Variants in PRPF6 observed in about 807,000 individuals in gnomAD.
The protein encoded by PRPF6 is pre-mRNA-processing factor 6.
Under a neutral mutation model 118.3 loss-of-function variants are expected in PRPF6, and 42 were observed. The ratio of observed to expected loss-of-function variants is 0.35; its 90% CI spans 0.28 to 0.46. The LOEUF (loss-of-function observed/expected upper bound fraction) is 0.46. Among genes scored for constraint, PRPF6 ranks in the 20% least tolerant of loss-of-function variants. The pLI is 1.00. For synonymous variants in PRPF6, 481 were observed against 485.1 expected, an observed-to-expected ratio of 0.99 and a Z score of 0.11; for missense variants, 662 against 1,255.7, an observed-to-expected ratio of 0.53 and a Z score of 7.15.
Position 64,032,026 on chromosome 20 carries a change from G to A in PRPF6, c.2655G>A (p.Glu885=). ...CCTGGGCCTTCTTCTACAAGTTTGA[G>A]CTGCAGCATGGCACTGAGGTGAGGC... ...GDAWAFFYKF[E]LQHGTEEQQE... is the part of the protein sequence containing the mutation. The change falls in exon 20 of 21, where the codon GAG becomes GAA. Residue 885 remains glutamate, a synonymous_variant. Transcript: ENST00000266079. 6.2e-7 allele frequency: 1 copy of A among 1,614,108 alleles called. No individual in the cohort carries two copies. The highest frequency in any genetic ancestry group is 8.5e-7 in the Non-Finnish European group (1 of 1,180,028).
intron 3 of PRPF6, among the ~76,000 whole-genome samples, chr20:63,988,564 C>T (rs1290687545): frequency 6.6e-6 from 1 of 151,966 alleles, no homozygotes; most frequent in Non-Finnish European, 1.5e-5. Context: ...TATCAAAATA[C>T]TGGGGACATT....
rs778600188 is a variant in PRPF6 at position 64,024,709 on chromosome 20, C to T, written c.1908+16C>T. The T allele has an allele frequency of 8.1e-6, 13 of 1,610,228 alleles. No individual in the cohort carries two copies. In the African/African-American group the frequency reaches 1.5e-4, roughly 18 times the overall value. Reference sequence around the variant, plus strand: ...GGCCTTCCAGGTGGGTGAGGGTTGCCTGTGTGGTGAGGGGCCTGTGCACAC... The same window carrying T: ...GGCCTTCCAGGTGGGTGAGGGTTGCTTGTGTGGTGAGGGGCCTGTGCACAC... On this transcript the variant is annotated intron_variant, in intron 14 of 20. Coordinates refer to ENST00000266079, the MANE Select transcript of PRPF6 (RefSeq NM_012469.4).
In PRPF6 at chr20:64,011,608, G is replaced by A; in HGVS notation, c.1524+105G>A. 1.5e-6 allele frequency: 2 copies of A among 1,294,874 alleles called. No individual in the cohort carries two copies. The highest frequency in any genetic ancestry group is 2.2e-6 in the Non-Finnish European group (2 of 926,848). The allele number at this position is 1,294,874 out of a possible 1,614,324, so 80.2% of individuals were successfully genotyped here. A position where few individuals can be genotyped will look rare whatever the true frequency, so the allele number is the denominator to read the frequency against. ...TTGCTGGATGGTACTGGGGAGTCCT[G>A]TGCCAAACCAGAAGCAGGCACAGGT... is the stretch of plus-strand genomic sequence containing the variant. On this transcript the variant is annotated intron_variant, in intron 11 of 20. Coordinates refer to ENST00000266079, the MANE Select transcript of PRPF6 (RefSeq NM_012469.4). This position sits in a 1 kb window ranked among gnomAD's most constrained non-coding sequence, Gnocchi z 6.7.
At position 64,027,452 on chromosome 20, in the gene PRPF6, A is replaced by G. The variant is rs779994475; in HGVS notation, c.2206-151A>G. 1.9e-5 allele frequency: 22 copies of G among 1,184,312 alleles called. No homozygotes were observed. Among genetic ancestry groups the G allele is most frequent in the Non-Finnish European group, 2.8e-5 (22 of 798,158 alleles). The allele number at this position is 1,184,312 out of a possible 1,614,324, so 73.4% of individuals were successfully genotyped here. Reference sequence around the variant, plus strand: ...CCACAGCACCACCGCACACCTGTACACCCACAAATGCAGAGTGTGAGGGGT... The same window carrying G: ...CCACAGCACCACCGCACACCTGTACGCCCACAAATGCAGAGTGTGAGGGGT... On this transcript the variant is annotated intron_variant, in intron 16 of 20. Transcript: ENST00000266079. The surrounding 1 kb of genome is among the most constrained non-coding windows in gnomAD (Gnocchi z 6.5).
At chr20:63,981,678 G>T (rs1325016248) in intron 1 of PRPF6, among the ~76,000 whole-genome samples, 1 of 89,916 alleles carries the variant, frequency 1.1e-5, no homozygotes, top group African/African-American at 4.4e-5. Context: ...CCCGCCTTAA[G>T]CGTGCCTGGG....
At position 64,001,153 on chromosome 20, in the gene PRPF6, G is replaced by A. The variant is rs886056959; in HGVS notation, c.1100G>A (p.Arg367His). 3 of 1,614,192 alleles carry A rather than the reference G, an allele frequency of 1.9e-6. No individual in the cohort carries two copies. The highest frequency in any genetic ancestry group is 2.2e-5 in the East Asian group (1 of 44,882). Residue 367 changes from arginine (R) to histidine (H), a missense_variant, in exon 9 of 21, where the codon CGT (arginine) becomes CAT (histidine). By Grantham distance (29) the Arg-to-His change is conservative. This residue lies in a region of PRPF6 where 189 missense variants were observed against 323.5 expected (regional missense o/e 0.58). Transcript: ENST00000266079. Reference sequence around the variant, plus strand: ...AAGGCCGTGGTAGCCCAAGCTGTCCGTCATCTCCCACAGTCTGTCAGGATT... The same window carrying A: ...AAGGCCGTGGTAGCCCAAGCTGTCCATCATCTCCCACAGTCTGTCAGGATT... ...TAKAVVAQAV[R>H]HLPQSVRIYI...
intron 6 of PRPF6, among the ~76,000 whole-genome samples, chr20:63,996,939 A>G (rs2059143234): frequency 6.6e-6 from 1 of 152,170 alleles, no homozygotes; most frequent in Non-Finnish European, 1.5e-5. Flanking sequence ...TAAATAAATA[A>G]AACTGTCACA....
chr20:64,012,840 A>G (rs2059220485), intron 11 of PRPF6, among the ~76,000 whole-genome samples: 1 of 143,118 alleles, frequency 7.0e-6, no homozygotes, highest in Non-Finnish European at 1.5e-5. Flanking sequence ...TGATACACCT[A>G]CGAGAGGAGG....
rs1256300539 is a variant in PRPF6, at chr20:64,026,005, G to A, written c.1975G>A (p.Glu659Lys). The A allele has an allele frequency of 1.2e-6, 2 of 1,612,322 alleles. No individual in the cohort carries two copies. Among genetic ancestry groups the A allele is most frequent in the Non-Finnish European group, 8.5e-7 (1 of 1,180,026 alleles). Residue 659 changes from glutamate (E) to lysine (K), a missense_variant, in exon 15 of 21, where the codon GAG becomes AAG. Physicochemically the swap from Glu to Lys is moderately conservative, Grantham distance 56. This residue lies in a region of PRPF6 where 244 missense variants were observed against 383.7 expected (regional missense o/e 0.64). Coordinates refer to ENST00000266079, the MANE Select transcript of PRPF6 (RefSeq NM_012469.4). The surrounding 1 kb of genome is among the most constrained non-coding windows in gnomAD (Gnocchi z 4.4). The part of the protein sequence containing the change: ...VKLESENDEY[E>K]RARRLLAKAR... ...GCTGGAGTCCGAGAATGATGAGTAC[G>A]AGCGGGCCCGGAGGCTGCTGGCCAA...
At chr20:64,006,787 A>C (rs967873590) in intron 9 of PRPF6, among the ~76,000 whole-genome samples, 18 of 152,206 alleles carry the variant, frequency 1.2e-4, no homozygotes, top group African/African-American at 4.3e-4. Flanking sequence ...ATTGGTGTCT[A>C]TTCACAGCAT....
Position 64,026,946 on chromosome 20 carries a change from T to C in PRPF6, c.2029-36T>C. On this transcript the variant is annotated intron_variant, in intron 15 of 20. Coordinates refer to ENST00000266079, the MANE Select transcript of PRPF6 (RefSeq NM_012469.4). The surrounding 1 kb of genome is among the most constrained non-coding windows in gnomAD (Gnocchi z 4.4). ...TACCATGAAGCACGTACCCTGGAGC[T>C]GATGCCCTGCGTGACAGTGCATGTC... is the stretch of plus-strand genomic sequence containing the variant. 1.2e-6 allele frequency: 2 copies of C among 1,612,366 alleles called. No homozygotes were observed. Among genetic ancestry groups the C allele is most frequent in the Non-Finnish European group, 1.7e-6 (2 of 1,178,946 alleles).
Position 64,027,676 on chromosome 20 carries a change from C to T in PRPF6, c.2279C>T (p.Thr760Ile). 6.2e-7 allele frequency: 1 copy of T among 1,614,092 alleles called. No homozygotes were observed. The highest frequency in any genetic ancestry group is 1.1e-5 in the South Asian group (1 of 91,080). ...CTGGAGGAGAAGATTGGGCAGCTTA[C>T]TCGAGCACGGGCCATTTTGGAAAAG... ...SRLEEKIGQL[T>I]RARAILEKSR... The change falls in exon 17 of 21, where the codon ACT (threonine) becomes ATT (isoleucine). Residue 760 changes from threonine to isoleucine, a missense_variant. Thr to Ile is a moderately conservative substitution (Grantham distance 89). Around this residue, in one of 10 missense-constraint regions of PRPF6, gnomAD observed 244 missense variants for 383.7 expected, o/e 0.64. Coordinates refer to ENST00000266079, the MANE Select transcript of PRPF6 (RefSeq NM_012469.4). The surrounding 1 kb of genome is among the most constrained non-coding windows in gnomAD (Gnocchi z 6.5).
intron 5 of PRPF6, 99 bp from the exon 6 acceptor site, chr20:63,995,228 A>G (rs1325809982): frequency 9.5e-6 from 15 of 1,574,184 alleles, no homozygotes; most frequent in East Asian, 2.3e-5. Context: ...ACAGCTGTGC[A>G]TATGTCAGGC....
At chr20:64,020,813 GTC>G (rs1434804470) in intron 12 of PRPF6, among the ~76,000 whole-genome samples, 17 of 146,860 alleles carry the variant, frequency 1.2e-4, no homozygotes, top group African/African-American at 2.3e-4. Flanking sequence ...TTGAGACAAG[GTC>G]TCTCTCTGTC....
intron 6 of PRPF6, among the ~76,000 whole-genome samples, chr20:63,997,095 A>T (rs974246405): frequency 1.3e-5 from 2 of 152,038 alleles, no homozygotes; most frequent in Non-Finnish European, 2.9e-5. Context: ...TCATCTTCCC[A>T]AATTGAAACT....
In PRPF6 at chr20:64,001,211, T is replaced by G. The variant is rs2059164782; in HGVS notation, c.1158T>G (p.Ile386Met). 1.2e-6 allele frequency: 2 copies of G among 1,614,092 alleles called. No homozygotes were observed. The highest frequency in any genetic ancestry group is 1.7e-5 in the Admixed American group (1 of 60,006). Residue 386 changes from isoleucine (I) to methionine (M), a missense_variant, in exon 9 of 21, where the codon ATT (isoleucine) becomes ATG (methionine). Ile to Met is a conservative substitution (Grantham distance 10). Transcript: ENST00000266079. ...YIRAAELETDIRAKKRVLRKA... is the reference protein window; with the variant it reads ...YIRAAELETDMRAKKRVLRKA... The stretch of plus-strand genomic sequence containing the variant: ...GAGCCGCAGAGCTGGAAACGGACAT[T>G]CGTGCAAAGAAGCGGGTTCTTCGGA...
chr20:64,015,044 T>C (rs1313643276), intron 11 of PRPF6, among the ~76,000 whole-genome samples: 2 of 152,206 alleles, frequency 1.3e-5, no homozygotes, highest in African/African-American at 4.8e-5. Context: ...TTGGATTGTG[T>C]CTTTATTATG....
intron 11 of PRPF6, among the ~76,000 whole-genome samples, chr20:64,016,016 G>C (rs2059235886): frequency 6.6e-6 from 1 of 152,162 alleles, no homozygotes; most frequent in African/African-American, 2.4e-5. Flanking sequence ...TACTCGGGAG[G>C]CTGAGGTGAG....
At chr20:64,024,001 G>A (rs1038008290) in intron 13 of PRPF6, among the ~76,000 whole-genome samples, 27 of 152,302 alleles carry the variant, frequency 1.8e-4, no homozygotes, top group African/African-American at 3.1e-4. Context: ...TCTTGCTGTC[G>A]CACTCACTGA....
Sources: allele counts gnomAD v4.1 joint callset (sites outside exome capture counted in the v4.1 genomes callset), GRCh38; gene constraint gnomAD v4.1.1; regional missense constraint gnomAD v4.1.1; non-coding constraint Gnocchi (gnomAD v3.1); transcripts MANE v1.5; gene names NCBI Gene and HGNC (gene_info 2026-07-23, HGNC 2026-07-21).